ADIPOQ: variants seen among roughly 807,000 people sequenced by gnomAD.
The protein encoded by ADIPOQ is adiponectin.
In ADIPOQ, 19 loss-of-function variants were observed where a neutral mutation model predicts 16.1. The ratio of observed to expected loss-of-function variants is 1.18; its 90% CI spans 0.82 to 1.73. The LOEUF (loss-of-function observed/expected upper bound fraction) is 1.73. Ranked by LOEUF, ADIPOQ falls within the 40% of genes most tolerant of loss-of-function variation. The pLI is 0.00. For missense variants in ADIPOQ, 323 were observed against 308.3 expected, an observed-to-expected ratio of 1.05 and a Z score of -0.36; for synonymous variants, 124 against 125.5, an observed-to-expected ratio of 0.99 and a Z score of 0.08.
Position 186,858,343 on chromosome 3 carries a change from T to C in ADIPOQ, c.*3639T>C, listed in dbSNP as rs1712089369. ...TACTTTAAATATATCTATATTATTG[T>C]ATTTAAAATGTGTTTCTTACAGACT... On this transcript the variant is annotated 3_prime_UTR_variant, in exon 3 of 3. Coordinates refer to ENST00000320741, the MANE Select transcript of ADIPOQ (RefSeq NM_004797.4). 6.9e-6 allele frequency: 1 copy of C among 144,736 alleles called. No homozygotes were observed. The highest frequency in any genetic ancestry group is 2.3e-4 in the South Asian group (1 of 4,368). 9.0% of individuals were successfully genotyped at this position (144,736 alleles called of 1,614,324 possible).
In ADIPOQ at chr3:186,854,452, C is replaced by G. The variant is rs771359016; in HGVS notation, c.483C>G (p.Ala161=). The G allele has an allele frequency of 6.2e-7, 1 of 1,614,224 alleles. No individual in the cohort carries two copies. The highest frequency in any genetic ancestry group is 1.1e-5 in the South Asian group (1 of 91,090). The change falls in exon 3 of 3, where the codon GCC becomes GCG. Residue 161 remains alanine (A), a synonymous_variant. Coordinates refer to ENST00000320741, the MANE Select transcript of ADIPOQ (RefSeq NM_004797.4). ...HCNIPGLYYF[A]YHITVYMKDV... Reference sequence around the variant, plus strand: ...ACATTCCTGGGCTGTACTACTTTGCCTACCACATCACAGTCTATATGAAGG... The same window carrying G: ...ACATTCCTGGGCTGTACTACTTTGCGTACCACATCACAGTCTATATGAAGG...
At chr3:186,850,271 CAAAAAAAAAAAA>C (rs71634014) in intron 1 of ADIPOQ, among the ~76,000 whole-genome samples, 5 of 88,742 alleles carry the variant, frequency 5.6e-5, no homozygotes, top group Non-Finnish European at 1.1e-4. Flanking sequence ...TCCTCTCTCT[CAAAAAAAAAAAA>C]AAAAAAAAGC....
chr3:186,856,767 T>C lies in ADIPOQ; in HGVS notation c.*2063T>C, dbSNP rs1712020773. ...TTAGAGAGGGATGAAGAGGTGAGAG[T>C]AAGCCTTGTGTTAGTCAGAACTCTG... On this transcript the variant is annotated 3_prime_UTR_variant, in exon 3 of 3. Coordinates refer to ENST00000320741, the MANE Select transcript of ADIPOQ (RefSeq NM_004797.4). The C allele has an allele frequency of 6.6e-6, 1 of 152,070 alleles. No individual in the cohort carries two copies. 9.4% of individuals were successfully genotyped at this position (152,070 alleles called of 1,614,324 possible).
chr3:186,849,414 G>A (rs964143971), intron 1 of ADIPOQ, among the ~76,000 whole-genome samples: 4 of 152,094 alleles, frequency 2.6e-5, no homozygotes, highest in African/African-American at 9.7e-5. Flanking sequence ...ATGCAAAAGG[G>A]GCTTTGCTGG....
chr3:186,848,190 A>AGG (rs1261261017), intron 1 of ADIPOQ, among the ~76,000 whole-genome samples: 2 of 68,156 alleles, frequency 2.9e-5, no homozygotes, highest in Admixed American at 1.4e-4. Context: ...AAAAAAAAAG[A>AGG]GAGAGAGAAA....
Position 186,857,286 on chromosome 3 carries a change from G to C in ADIPOQ, c.*2582G>C, listed in dbSNP as rs200360323. ...ATTGACTTAATTGCAGCTTAAGTTAGGGGTATGTAGAGGTATTTTCCCTAA... is the reference window on the plus strand; with the variant it reads ...ATTGACTTAATTGCAGCTTAAGTTACGGGTATGTAGAGGTATTTTCCCTAA... On this transcript the variant is annotated 3_prime_UTR_variant, in exon 3 of 3. Coordinates refer to ENST00000320741, the MANE Select transcript of ADIPOQ (RefSeq NM_004797.4). 91 of 152,340 alleles carry C rather than the reference G, an allele frequency of 6.0e-4. No homozygotes were observed. The highest frequency in any genetic ancestry group is 4.4e-3 in the Admixed American group (67 of 15,302). The allele number at this position is 152,340 out of a possible 1,614,324, so 9.4% of individuals were successfully genotyped here. A position where few individuals can be genotyped will look rare whatever the true frequency, so the allele number is the denominator to read the frequency against.
At chr3:186,845,956 G>A (rs984351375) in intron 1 of ADIPOQ, among the ~76,000 whole-genome samples, 1 of 152,158 alleles carries the variant, frequency 6.6e-6, no homozygotes, top group Non-Finnish European at 1.5e-5. Context: ...CGGAGGCACC[G>A]TGATGTGATG....
At chr3:186,850,525 G>C (rs961956437) in intron 1 of ADIPOQ, among the ~76,000 whole-genome samples, 1 of 152,002 alleles carries the variant, frequency 6.6e-6, no homozygotes, top group Non-Finnish European at 1.5e-5. Flanking sequence ...CTGGGAATCT[G>C]TCATAACAGA....
intron 1 of ADIPOQ, among the ~76,000 whole-genome samples, chr3:186,847,378 A>G (rs1316366355): frequency 6.6e-6 from 1 of 152,254 alleles, no homozygotes; most frequent in Non-Finnish European, 1.5e-5. Flanking sequence ...TTTAATACAG[A>G]TAAAATAGAT....
chr3:186,854,084 A>G, intron 2 of ADIPOQ, 100 bp from the exon 3 acceptor site: 1 of 1,291,992 alleles, frequency 7.7e-7, no homozygotes, highest in Non-Finnish European at 1.1e-6. Context: ...ATAAGTCAAG[A>G]AGGTTGTGAG....
intron 1 of ADIPOQ, among the ~76,000 whole-genome samples, chr3:186,846,377 A>T (rs1205117883): frequency 1.3e-5 from 2 of 151,978 alleles, no homozygotes; most frequent in African/African-American, 4.8e-5. Flanking sequence ...GATTACAGGC[A>T]GGCACCACCA....
rs201645109 is a variant in ADIPOQ at position 186,854,476 on chromosome 3, G to A, written c.507G>A (p.Lys169=). 1.4e-5 allele frequency: 23 copies of A among 1,614,150 alleles called. No homozygotes were observed. Among genetic ancestry groups the A allele is most frequent in the Middle Eastern group, 1.6e-4 (1 of 6,062 alleles). Residue 169 remains lysine, a synonymous_variant, in exon 3 of 3, where the codon AAG becomes AAA. Transcript: ENST00000320741. ...CCTACCACATCACAGTCTATATGAA[G>A]GATGTGAAGGTCAGCCTCTTCAAGA... The part of the protein sequence containing the change: ...YFAYHITVYM[K]DVKVSLFKKD...
At chr3:186,849,260 G>A (rs1711670403) in intron 1 of ADIPOQ, among the ~76,000 whole-genome samples, 2 of 152,116 alleles carry the variant, frequency 1.3e-5, no homozygotes, top group African/African-American at 2.4e-5. Context: ...TCCCATTTCT[G>A]GAGAAAAACA....
At chr3:186,843,105 T>C (rs553312925) in intron 1 of ADIPOQ, among the ~76,000 whole-genome samples, 8 of 152,278 alleles carry the variant, frequency 5.3e-5, no homozygotes, top group South Asian at 2.1e-4. Context: ...AGGGAATACA[T>C]TGCCTCTTAG....
At chr3:186,844,445 G>A (rs551049649) in intron 1 of ADIPOQ, among the ~76,000 whole-genome samples, 19 of 149,594 alleles carry the variant, frequency 1.3e-4, no homozygotes, top group Admixed American at 1.1e-3. Flanking sequence ...GCGCCTGGCC[G>A]AGGAGTCTTA....
chr3:186,853,140 C>T lies in ADIPOQ; in HGVS notation c.82C>T (p.Leu28=). Residue 28 remains leucine (L), a synonymous_variant, in exon 2 of 3, where the codon CTG becomes TTG. Coordinates refer to ENST00000320741, the MANE Select transcript of ADIPOQ (RefSeq NM_004797.4). ...QETTTQGPGV[L]LPLPKGACTG... ...AACCACGACTCAAGGGCCCGGAGTCCTGCTTCCCCTGCCCAAGGGGGCCTG... is the reference window on the plus strand; with the variant it reads ...AACCACGACTCAAGGGCCCGGAGTCTTGCTTCCCCTGCCCAAGGGGGCCTG... 6.2e-7 allele frequency: 1 copy of T among 1,614,210 alleles called. No homozygotes were observed. Among genetic ancestry groups the T allele is most frequent in the Non-Finnish European group, 8.5e-7 (1 of 1,180,032 alleles).
intron 1 of ADIPOQ, among the ~76,000 whole-genome samples, chr3:186,850,722 C>T (rs915935616): frequency 4.0e-5 from 6 of 151,658 alleles, no homozygotes; most frequent in Non-Finnish European, 7.4e-5. Flanking sequence ...CACTCTGAGA[C>T]GTTAAAAATA....
intron 1 of ADIPOQ, chr3:186,851,868 CTACTT>C (rs543331950): frequency 4.0e-5 from 5 of 126,214 alleles, no homozygotes; most frequent in African/African-American, 1.5e-4. Flanking sequence ...CTGTAAAAAA[CTACTT>C]GAGACTGGGT....
intron 1 of ADIPOQ, among the ~76,000 whole-genome samples, chr3:186,849,401 A>G (rs1311699461): frequency 6.6e-6 from 1 of 152,222 alleles, no homozygotes; most frequent in Non-Finnish European, 1.5e-5. Flanking sequence ...GAATTCTCCT[A>G]AAATGCAAAA....
Sources: gnomAD v4.1 joint callset for allele counts (sites outside exome capture counted in the v4.1 genomes callset) on GRCh38, gnomAD v4.1.1 for gene constraint, MANE v1.5 for transcripts, NCBI Gene and HGNC (gene_info 2026-07-23, HGNC 2026-07-21) for gene names.